Variants in DYM observed in about 807,000 individuals in gnomAD.
DYM encodes dymeclin.
DYM carries 78 observed loss-of-function variants against 93.1 expected under a neutral mutation model. The ratio of observed to expected loss-of-function variants is 0.84; its 90% confidence interval spans 0.70 to 1.01. DYM has a LOEUF of 1.01. Among genes scored for constraint, DYM ranks in the 50% least tolerant of loss-of-function variants. The probability of loss-of-function intolerance (pLI) is 0.00; values close to 1 mark genes in which losing one functional copy is unlikely to be tolerated. For missense variants in DYM, 789 were observed against 845.0 expected (o/e 0.93, Z 0.82); for synonymous variants, 321 against 319.7 (o/e 1.00, Z -0.04).
Position 49,282,168 on chromosome 18 carries a change from ACTG to A in DYM, c.951_953del (p.Ser318del), listed in dbSNP as rs2095000922. On this transcript the variant is annotated inframe_deletion, in exon 10 of 18. Transcript: ENST00000675505. ...CATGTGGAATTGATGAGGGGAAAGG[ACTG>A]CTATCTGGAATACAGAAAACAGCAC... 2.5e-6 allele frequency: 4 copies of A among 1,613,792 alleles called. No individual in the cohort carries two copies. The highest frequency in any genetic ancestry group is 2.5e-6 in the Non-Finnish European group (3 of 1,179,772).
At chr18:49,323,582 T>C (rs574509702) in intron 8 of DYM, among the ~76,000 whole-genome samples, 1 of 152,268 alleles carries the variant, frequency 6.6e-6, no homozygotes, top group South Asian at 2.1e-4. Flanking sequence ...AGACCAGAGC[T>C]TCCTTTCTCT....
intron 17 of DYM, among the ~76,000 whole-genome samples, chr18:49,068,779 C>G (rs989992681): frequency 8.5e-5 from 13 of 152,216 alleles, no homozygotes; most frequent in African/African-American, 2.9e-4. Context: ...ACAGCTTCTC[C>G]TATTTCCTCT....
intron 13 of DYM, among the ~76,000 whole-genome samples, chr18:49,245,937 G>T (rs1050862716): frequency 6.6e-6 from 1 of 152,152 alleles, no homozygotes; most frequent in Non-Finnish European, 1.5e-5. Context: ...AAATAGAAAA[G>T]AACCTACATT....
In DYM at chr18:49,312,550, AGCATCCCCTAT is replaced by A. The variant is rs1338723965; in HGVS notation, c.763+19303_763+19313del. Among the ~76,000 whole-genome samples the A allele has an allele frequency of 2.6e-5, 4 of 152,340 alleles. No individual in the cohort carries two copies. The East Asian group carries it at 7.7e-4, about 29-fold the overall frequency. Reference sequence around the variant, plus strand: ...AACTTTCCCACCTTCAGGTAAAGGAAGCATCCCCTATGCATCCCCTCTCTGCTGAAAGCCAT... The same window carrying A: ...AACTTTCCCACCTTCAGGTAAAGGAAGCATCCCCTCTCTGCTGAAAGCCAT... On this transcript the variant is annotated intron_variant, in intron 8 of 17. Coordinates refer to ENST00000675505, the MANE Select transcript of DYM (RefSeq NM_001353214.3).
intron 8 of DYM, among the ~76,000 whole-genome samples, chr18:49,317,663 T>C (rs1394382466): frequency 1.1e-5 from 1 of 89,208 alleles, no homozygotes; most frequent in African/African-American, 4.4e-5. Context: ...CTTCCTTCCT[T>C]CCTTCCTTCC....
chr18:49,055,188 G>A (rs754949665), intron 17 of DYM, among the ~76,000 whole-genome samples: 15 of 152,144 alleles, frequency 9.9e-5, no homozygotes, highest in Non-Finnish European at 1.9e-4. Flanking sequence ...GGACCCTCTG[G>A]AGCAGACAGA....
At chr18:49,453,881 GA>G (rs1467424974) in intron 1 of DYM, among the ~76,000 whole-genome samples, 1 of 152,166 alleles carries the variant, frequency 6.6e-6, no homozygotes, top group Non-Finnish European at 1.5e-5. Context: ...ATAACTGCAG[GA>G]AAGATCTAGC....
intron 5 of DYM, among the ~76,000 whole-genome samples, chr18:49,366,253 T>C (rs2066507982): frequency 6.6e-6 from 1 of 152,224 alleles, no homozygotes; most frequent in African/African-American, 2.4e-5. Context: ...CTTAGCTTTC[T>C]TATAAGGCCA....
rs374053573 is a variant in DYM at position 49,348,637 on chromosome 18, G to A, written c.494+14524C>T. ...AAAAAAAAAAAAATGGGCCGAGTGC[G>A]GTGGCTCACGCCTGTAATCCCAGCA... On this transcript the variant is annotated intron_variant, in intron 6 of 17. Coordinates refer to ENST00000675505, the MANE Select transcript of DYM (RefSeq NM_001353214.3). Among the ~76,000 whole-genome samples, 50 of 151,724 alleles carry A rather than the reference G, an allele frequency of 3.3e-4. No individual in the cohort carries two copies. The South Asian group carries it at 4.0e-3, about 12-fold the overall frequency.
At chr18:49,333,076 T>A (rs2063424241) in intron 7 of DYM, among the ~76,000 whole-genome samples, 1 of 152,244 alleles carries the variant, frequency 6.6e-6, no homozygotes, top group South Asian at 2.1e-4. Flanking sequence ...AGCTCCCCAC[T>A]ATCTGAGAAC....
intron 1 of DYM, among the ~76,000 whole-genome samples, chr18:49,432,882 G>C (rs554391984): frequency 1.0e-3 from 156 of 152,102 alleles, no homozygotes; most frequent in Non-Finnish European, 1.7e-3. Context: ...TTACAAGCAT[G>C]AGCTACTGAG....
At chr18:49,106,723 G>A (rs1021053426) in intron 16 of DYM, among the ~76,000 whole-genome samples, 5 of 152,210 alleles carry the variant, frequency 3.3e-5, no homozygotes, top group African/African-American at 1.2e-4. Flanking sequence ...TAAGAATGTT[G>A]AATATTGGCC....
At chr18:49,218,252 A>C (rs2093173555) in intron 13 of DYM, among the ~76,000 whole-genome samples, 1 of 152,198 alleles carries the variant, frequency 6.6e-6, no homozygotes, top group South Asian at 2.1e-4. Context: ...CAGATTCATA[A>C]AGCAAGTCCT....
chr18:49,451,508 G>C (rs1010967274), intron 1 of DYM, among the ~76,000 whole-genome samples: 1 of 152,180 alleles, frequency 6.6e-6, no homozygotes, highest in African/African-American at 2.4e-5. Flanking sequence ...GGAGCTCCAA[G>C]TTTATCTTGG....
intron 3 of DYM, among the ~76,000 whole-genome samples, chr18:49,380,997 T>A (rs549277868): frequency 6.7e-6 from 1 of 148,482 alleles, no homozygotes; most frequent in East Asian, 2.2e-4. Flanking sequence ...TATTTGAACT[T>A]CTTTTTTTTT....
intron 2 of DYM, among the ~76,000 whole-genome samples, chr18:49,402,415 T>C (rs112873607): frequency 1.7e-4 from 26 of 152,224 alleles, no homozygotes; most frequent in African/African-American, 5.3e-4. Flanking sequence ...CTGAGATTTT[T>C]AGGGGGGAAG....
At chr18:49,221,239 T>C (rs901909197) in intron 13 of DYM, among the ~76,000 whole-genome samples, 6 of 152,104 alleles carry the variant, frequency 3.9e-5, no homozygotes, top group Admixed American at 2.6e-4. Context: ...TGGCAATCAT[T>C]CAAAAGTCAG....
rs569620859 is a variant in DYM, at chr18:49,102,669, G to C, written c.1912-5154C>G. 3.9e-5 allele frequency among the ~76,000 whole-genome samples: 6 copies of C among 152,176 alleles called. No individual in the cohort carries two copies. In the South Asian group the frequency reaches 1.2e-3, roughly 32 times the overall value. ...CCTGAGTGAGAACTTGTGGTGTTTG[G>C]TTTTTTTGTCCTTGCGATAGTTTGC... is the stretch of plus-strand genomic sequence containing the variant. On this transcript the variant is annotated intron_variant, in intron 16 of 17. Transcript: ENST00000675505.
chr18:49,056,779 C>T (rs2075528629), intron 17 of DYM, among the ~76,000 whole-genome samples: 1 of 151,940 alleles, frequency 6.6e-6, no homozygotes, highest in South Asian at 2.1e-4. Context: ...GATCTCCTGA[C>T]CTCATGATCC....
Sources: allele counts gnomAD v4.1 joint callset (sites outside exome capture counted in the v4.1 genomes callset), GRCh38; gene constraint gnomAD v4.1.1; transcripts MANE v1.5; gene names NCBI Gene and HGNC (gene_info 2026-07-23, HGNC 2026-07-21).